Variants in TRPC3 observed in about 807,000 individuals in gnomAD.
TRPC3 encodes short transient receptor potential channel 3.
Under a neutral mutation model 90.9 loss-of-function variants are expected in TRPC3, and 54 were observed. That is an observed-to-expected ratio of 0.59 (90% CI 0.48 to 0.75). TRPC3 has a LOEUF of 0.75. Ranked by LOEUF, TRPC3 falls within the 30% of genes least tolerant of loss-of-function variation. The pLI, the probability that TRPC3 is intolerant of heterozygous loss-of-function variation, is 0.00. For missense variants in TRPC3, 918 were observed against 1,194.5 expected (o/e 0.77, Z 3.41); for synonymous variants, 424 against 450.9 (o/e 0.94, Z 0.75).
chr4:121,912,186 G>A, intron 4 of TRPC3, 93 bp from the exon 5 acceptor site: 3 of 1,065,442 alleles, frequency 2.8e-6, no homozygotes, highest in Non-Finnish European at 4.0e-6. Flanking sequence ...TAGATGAAAG[G>A]AGAACACTCA....
At chr4:121,939,866 A>G (rs1730245900) in intron 1 of TRPC3, among the ~76,000 whole-genome samples, 1 of 152,208 alleles carries the variant, frequency 6.6e-6, no homozygotes, top group South Asian at 2.1e-4. Flanking sequence ...CAGAGACCAG[A>G]AGAGTTAGAG....
rs537026436 is a variant in TRPC3 at position 121,951,591 on chromosome 4, G to A, written c.90C>T (p.Gly30=). The A allele has an allele frequency of 4.1e-6, 6 of 1,448,886 alleles. No homozygotes were observed. Among genetic ancestry groups the A allele is most frequent in the Admixed American group, 5.3e-5 (2 of 37,874 alleles). 89.8% of individuals were successfully genotyped at this position (1,448,886 alleles called of 1,614,324 possible). Residue 30 remains glycine (G), a synonymous_variant, in exon 1 of 12, where the codon GGC becomes GGT. Transcript: ENST00000379645. This position sits in a 1 kb window ranked among gnomAD's most constrained non-coding sequence, Gnocchi z 4.4. ...EEEEDEGEDE[G]AEPQRRRRGW... ...CCCGGCGGCGGCGCTGCGGCTCCGC[G>A]CCCTCGTCCTCGCCCTCGTCTTCCT...
At chr4:121,915,353 C>A (rs1168794795) in intron 3 of TRPC3, among the ~76,000 whole-genome samples, 2 of 152,148 alleles carry the variant, frequency 1.3e-5, no homozygotes, top group Admixed American at 1.3e-4. Flanking sequence ...TTATTGTAGG[C>A]TATAGCTAAA....
At chr4:121,922,061 G>A (rs923637919) in intron 3 of TRPC3, among the ~76,000 whole-genome samples, 2 of 151,836 alleles carry the variant, frequency 1.3e-5, no homozygotes, top group African/African-American at 4.8e-5. Context: ...TGCAACTACA[G>A]GTGCCTGCCA....
At chr4:121,900,443 T>C (rs1026295054) in intron 9 of TRPC3, among the ~76,000 whole-genome samples, 2 of 152,170 alleles carry the variant, frequency 1.3e-5, no homozygotes, top group African/African-American at 4.8e-5. Context: ...CTTCCCACCA[T>C]TATAACTCAG....
chr4:121,916,575 G>A (rs992771112), intron 3 of TRPC3, among the ~76,000 whole-genome samples: 2 of 152,190 alleles, frequency 1.3e-5, no homozygotes, highest in Non-Finnish European at 2.9e-5. Context: ...CTGATAGGAA[G>A]AGGCAGGAGA....
intron 2 of TRPC3, among the ~76,000 whole-genome samples, chr4:121,929,774 G>C (rs774051776): frequency 6.6e-6 from 1 of 151,826 alleles, no homozygotes; most frequent in Non-Finnish European, 1.5e-5. Flanking sequence ...AATTTCGGGG[G>C]TGAGATACTA....
chr4:121,898,331 G>T (rs961681777), intron 10 of TRPC3, among the ~76,000 whole-genome samples: 36 of 152,176 alleles, frequency 2.4e-4, no homozygotes, highest in African/African-American at 8.7e-4. Context: ...GAAGTGACAG[G>T]CTGGCAAGCG....
intron 6 of TRPC3, 23 bp from the exon 7 acceptor site, chr4:121,907,590 T>C: frequency 6.3e-7 from 1 of 1,580,824 alleles, no homozygotes; most frequent in Non-Finnish European, 8.6e-7. Context: ...GAGAAAGAGA[T>C]TAAAAATGGA....
intron 1 of TRPC3, among the ~76,000 whole-genome samples, chr4:121,936,343 T>C (rs1730126526): frequency 6.6e-6 from 1 of 152,218 alleles, no homozygotes. Flanking sequence ...GCTCTAGTAA[T>C]GTTAACACTA....
chr4:121,915,983 A>G (rs1245515356), intron 3 of TRPC3, among the ~76,000 whole-genome samples: 1 of 152,190 alleles, frequency 6.6e-6, no homozygotes, highest in Non-Finnish European at 1.5e-5. Flanking sequence ...ACTGTCTTCT[A>G]AAAAACAGAA....
At chr4:121,881,877 G>A (rs1380305714) in intron 11 of TRPC3, among the ~76,000 whole-genome samples, 1 of 152,062 alleles carries the variant, frequency 6.6e-6, no homozygotes, top group African/African-American at 2.4e-5. Context: ...GGAGGCAGGG[G>A]GGAAAGTGAA....
At chr4:121,921,167 CCA>C (rs1442061514) in intron 3 of TRPC3, among the ~76,000 whole-genome samples, 1 of 152,088 alleles carries the variant, frequency 6.6e-6, no homozygotes, top group Non-Finnish European at 1.5e-5. Flanking sequence ...AATCCTGAGC[CCA>C]GTTAGAAGAC....
At chr4:121,935,419 GGTGTGTGTGTGT>G (rs34252770) in intron 1 of TRPC3, among the ~76,000 whole-genome samples, 1 of 147,334 alleles carries the variant, frequency 6.8e-6, no homozygotes, top group African/African-American at 2.5e-5. Flanking sequence ...ACATGTGTGG[GGTGTGTGTGTGT>G]GTGTGTGTGT....
intron 10 of TRPC3, among the ~76,000 whole-genome samples, chr4:121,893,181 C>T (rs1191287006): frequency 4.6e-5 from 7 of 151,140 alleles, no homozygotes; most frequent in Non-Finnish European, 8.9e-5. Flanking sequence ...AATAAAAACC[C>T]TGAAGTAAGG....
At position 121,951,982 on chromosome 4, in the gene TRPC3, C is replaced by T. The variant is rs919183214; in HGVS notation, c.-302G>A. 1.3e-5 allele frequency among the ~76,000 whole-genome samples: 2 copies of T among 151,864 alleles called. No individual in the cohort carries two copies. Among genetic ancestry groups the T allele is most frequent in the African/African-American group, 2.4e-5 (1 of 41,384 alleles). ...CTGGTGCTGGGAGAGGCTCTCCAGC[C>T]CCGCGGCGGCGGCGATGCCTCCTCG... On this transcript the variant is annotated 5_prime_UTR_variant, in exon 1 of 12. Coordinates refer to ENST00000379645, the MANE Select transcript of TRPC3 (RefSeq NM_001130698.2). The surrounding 1 kb of genome is among the most constrained non-coding windows in gnomAD (Gnocchi z 4.4).
At chr4:121,950,920 C>T (rs891776802) in intron 1 of TRPC3, 3 of 152,360 alleles carry the variant, frequency 2.0e-5, no homozygotes, top group African/African-American at 7.2e-5. Flanking sequence ...TCGCACTGTC[C>T]CCTCCCTACT....
At chr4:121,903,670 G>A (rs1578616504) in intron 8 of TRPC3, among the ~76,000 whole-genome samples, 1 of 152,234 alleles carries the variant, frequency 6.6e-6, no homozygotes, top group Non-Finnish European at 1.5e-5. Context: ...TGAAGGGAAG[G>A]GGTCCTTATG....
At position 121,910,362 on chromosome 4, in the gene TRPC3, C is replaced by A. The variant is rs1449297442; in HGVS notation, c.1584G>T (p.Glu528Asp). 6.2e-7 allele frequency: 1 copy of A among 1,613,486 alleles called. No individual in the cohort carries two copies. Among genetic ancestry groups the A allele is most frequent in the Admixed American group, 1.7e-5 (1 of 59,954 alleles). The change falls in exon 6 of 12, where the codon GAG becomes GAT. Residue 528 changes from glutamate (E) to aspartate (D), a missense_variant. Glu to Asp is a conservative substitution (Grantham distance 45, BLOSUM62 2). Around this residue, in one of 4 missense-constraint regions of TRPC3, gnomAD observed 609 missense variants for 725.9 expected, o/e 0.84. Coordinates refer to ENST00000379645, the MANE Select transcript of TRPC3 (RefSeq NM_001130698.2). The part of the protein sequence containing the change: ...VLGMMWSECK[E>D]LWLEGPREYI... Reference sequence around the variant, plus strand: ...ATTCCCTAGGTCCTTCCAGCCAGAGCTCTTTACATTCAGACCACATCATTC... The same window carrying A: ...ATTCCCTAGGTCCTTCCAGCCAGAGATCTTTACATTCAGACCACATCATTC...
Sources: allele counts gnomAD v4.1 joint callset (sites outside exome capture counted in the v4.1 genomes callset), GRCh38; gene constraint gnomAD v4.1.1; regional missense constraint gnomAD v4.1.1; non-coding constraint Gnocchi (gnomAD v3.1); transcripts MANE v1.5; gene names NCBI Gene and HGNC (gene_info 2026-07-23, HGNC 2026-07-21).